CAMTA1: variants seen among roughly 807,000 people sequenced by gnomAD.
CAMTA1 encodes calmodulin-binding transcription activator 1.
In CAMTA1, 27 loss-of-function variants were observed where a neutral mutation model predicts 170.9. The observed-to-expected ratio is 0.16, with a 90% confidence interval of 0.12 to 0.22. The LOEUF is 0.22. Among genes scored for constraint, CAMTA1 ranks in the 10% least tolerant of loss-of-function variants. CAMTA1 has a pLI of 1.00. For missense variants in CAMTA1, 1,619 were observed against 2,217.2 expected, an observed-to-expected ratio of 0.73 and a Z score of 5.42; for synonymous variants, 833 against 891.5, an observed-to-expected ratio of 0.93 and a Z score of 1.17.
intron 3 of CAMTA1, among the ~76,000 whole-genome samples, chr1:6,871,287 C>A (rs1039415046): frequency 6.6e-6 from 1 of 152,118 alleles, no homozygotes; most frequent in African/African-American, 2.4e-5. Context: ...TTTATTTTAT[C>A]ATGTATCACT....
intron 3 of CAMTA1, among the ~76,000 whole-genome samples, chr1:6,865,745 C>T (rs755759664): frequency 6.6e-6 from 1 of 152,090 alleles, no homozygotes; most frequent in Non-Finnish European, 1.5e-5. Flanking sequence ...TGTTACTGTT[C>T]TCATGTTGTA....
chr1:7,433,513 G>A (rs1185043141), intron 5 of CAMTA1, among the ~76,000 whole-genome samples: 1 of 152,198 alleles, frequency 6.6e-6, no homozygotes. Context: ...ACTTCTCAGG[G>A]AGGGGCCAGG....
At chr1:7,102,058 A>G (rs1289473183) in intron 4 of CAMTA1, among the ~76,000 whole-genome samples, 1 of 91,888 alleles carries the variant, frequency 1.1e-5, no homozygotes, top group African/African-American at 3.9e-5. Context: ...ACACACACAC[A>G]CACACACACA....
At position 7,571,780 on chromosome 1, in the gene CAMTA1, A is replaced by G. The variant is rs146725339; in HGVS notation, c.511-68620A>G. ...TGATTCTATGTCTTTGCTATTGTGA[A>G]TAGTGCTGCAGTGAACATATGCATG... On this transcript the variant is annotated intron_variant, in intron 6 of 22. Transcript: ENST00000303635. Among the ~76,000 whole-genome samples the G allele has an allele frequency of 6.4e-3, 977 of 152,292 alleles. 4 individuals carry two copies. Among genetic ancestry groups the G allele is most frequent in the Non-Finnish European group, 9.9e-3 (673 of 68,028 alleles).
chr1:7,237,961 T>C (rs1664189607), intron 4 of CAMTA1, among the ~76,000 whole-genome samples: 1 of 152,232 alleles, frequency 6.6e-6, no homozygotes, highest in African/African-American at 2.4e-5. Flanking sequence ...CCAAGTAATT[T>C]GTTCAAGATC....
intron 3 of CAMTA1, among the ~76,000 whole-genome samples, chr1:7,054,127 G>T (rs558301760): frequency 6.6e-6 from 1 of 152,180 alleles, no homozygotes; most frequent in Admixed American, 6.5e-5. Context: ...CACAAACAGG[G>T]GTCCCCTGGG....
intron 3 of CAMTA1, among the ~76,000 whole-genome samples, chr1:6,848,224 T>C (rs1435813992): frequency 6.6e-6 from 1 of 152,156 alleles, no homozygotes; most frequent in Non-Finnish European, 1.5e-5. Flanking sequence ...TAGCTCACCA[T>C]AGACTTCAAC....
At chr1:6,886,626 T>C (rs1330622395) in intron 3 of CAMTA1, among the ~76,000 whole-genome samples, 1 of 152,238 alleles carries the variant, frequency 6.6e-6, no homozygotes, top group Non-Finnish European at 1.5e-5. Context: ...TGTGCTGATA[T>C]TCAGTTGATT....
At chr1:7,281,955 G>A (rs528521895) in intron 5 of CAMTA1, among the ~76,000 whole-genome samples, 1 of 151,918 alleles carries the variant, frequency 6.6e-6, no homozygotes, top group Non-Finnish European at 1.5e-5. Flanking sequence ...CTTGGACCTC[G>A]GCCACCCAGG....
intron 6 of CAMTA1, among the ~76,000 whole-genome samples, chr1:7,484,414 A>C (rs2149652337): frequency 6.6e-6 from 1 of 152,324 alleles, no homozygotes; most frequent in Non-Finnish European, 1.5e-5. Flanking sequence ...CGGGCTAATT[A>C]ACCCAAAACC....
intron 5 of CAMTA1, among the ~76,000 whole-genome samples, chr1:7,310,559 T>A (rs1314622047): frequency 6.6e-5 from 10 of 152,154 alleles, no homozygotes; most frequent in Non-Finnish European, 1.5e-5. Flanking sequence ...GTGTCGTTTT[T>A]CTCTGGCTGC....
chr1:7,340,734 A>T (rs1449583003), intron 5 of CAMTA1, among the ~76,000 whole-genome samples: 3 of 151,224 alleles, frequency 2.0e-5, no homozygotes, highest in Non-Finnish European at 4.4e-5. Flanking sequence ...CCATCCATCC[A>T]TCCATCCATC....
intron 6 of CAMTA1, among the ~76,000 whole-genome samples, chr1:7,489,262 A>G (rs2093667014): frequency 6.6e-6 from 1 of 152,194 alleles, no homozygotes; most frequent in Admixed American, 6.5e-5. Context: ...AAAAGATTCA[A>G]CAACCTAGAT....
intron 5 of CAMTA1, among the ~76,000 whole-genome samples, chr1:7,450,635 A>G (rs1002890611): frequency 6.6e-6 from 1 of 152,244 alleles, no homozygotes; most frequent in Non-Finnish European, 1.5e-5. Context: ...TTAGCAGCAC[A>G]TTGGATTCCA....
At chr1:7,452,790 C>G (rs945815776) in intron 5 of CAMTA1, among the ~76,000 whole-genome samples, 40 of 152,196 alleles carry the variant, frequency 2.6e-4, no homozygotes, top group Non-Finnish European at 3.4e-4. Context: ...GTAGGCTGTT[C>G]CTGCCTTGTG....
Position 6,974,315 on chromosome 1 carries a change from G to A in CAMTA1, c.235-116989G>A, listed in dbSNP as rs1572145888. On this transcript the variant is annotated intron_variant, in intron 3 of 22. Coordinates refer to ENST00000303635, the MANE Select transcript of CAMTA1 (RefSeq NM_015215.4). The stretch of plus-strand genomic sequence containing the variant: ...CATAATATCCCTTCAGTTTCTTGGG[G>A]TCTAGGCTTGCATCTATTTTTAAAA... Among the ~76,000 whole-genome samples, 3 of 152,334 alleles carry A rather than the reference G, an allele frequency of 2.0e-5. No individual in the cohort carries two copies. The South Asian group carries it at 6.2e-4, about 32-fold the overall frequency.
intron 3 of CAMTA1, among the ~76,000 whole-genome samples, chr1:6,942,985 G>A (rs562179195): frequency 6.6e-6 from 1 of 152,158 alleles, no homozygotes; most frequent in African/African-American, 2.4e-5. Context: ...CAGAGGCCCC[G>A]GCTCCAGCTT....
intron 6 of CAMTA1, among the ~76,000 whole-genome samples, chr1:7,488,129 C>G (rs1209458377): frequency 6.6e-6 from 1 of 152,168 alleles, no homozygotes; most frequent in Admixed American, 6.5e-5. Context: ...TAAAATCTCT[C>G]TGGAGCCTTT....
chr1:7,225,054 G>A (rs1045289437), intron 4 of CAMTA1, among the ~76,000 whole-genome samples: 5 of 152,118 alleles, frequency 3.3e-5, no homozygotes, highest in African/African-American at 9.7e-5. Context: ...CAGGGCACTG[G>A]AGCCTGGGGC....
Sources: allele counts gnomAD v4.1 joint callset (sites outside exome capture counted in the v4.1 genomes callset), GRCh38; gene constraint gnomAD v4.1.1; transcripts MANE v1.5; gene names NCBI Gene and HGNC (gene_info 2026-07-23, HGNC 2026-07-21).